The following PLEKHG7 variants were observed in gnomAD, a reference collection of about 807,000 sequenced individuals.
PLEKHG7 encodes pleckstrin homology and RhoGEF domain containing G7.
A neutral mutation model predicts 85.2 loss-of-function variants in PLEKHG7; 77 were observed. The observed-to-expected ratio is 0.90, with a 90% CI of 0.75 to 1.09. PLEKHG7 has a LOEUF of 1.09. Among genes scored for constraint, PLEKHG7 ranks in the 50% least tolerant of loss-of-function variants. The probability of loss-of-function intolerance (pLI) is 0.00; values close to 1 mark genes in which losing one functional copy is unlikely to be tolerated. For missense variants in PLEKHG7, 777 were observed against 804.3 expected (o/e 0.97, Z 0.41); for synonymous variants, 301 against 302.4 (o/e 1.00, Z 0.05).
At chr12:92,745,423 C>A in intron 9 of PLEKHG7, 55 bp from the exon 10 acceptor site, 2 of 1,185,786 alleles carry the variant, frequency 1.7e-6, no homozygotes, top group Non-Finnish European at 1.3e-6. Context: ...TCTTTCAGGG[C>A]TCAATGCTCT....
At chr12:92,763,949 T>G in intron 14 of PLEKHG7, 92 bp from the exon 15 acceptor site, 1 of 1,102,764 alleles carries the variant, frequency 9.1e-7, no homozygotes, top group Non-Finnish European at 1.3e-6. Flanking sequence ...AGGCAATTGT[T>G]TCTCAGAATC....
intron 7 of PLEKHG7, among the ~76,000 whole-genome samples, chr12:92,738,951 A>G (rs1311256011): frequency 6.6e-6 from 1 of 152,240 alleles, no homozygotes; most frequent in Non-Finnish European, 1.5e-5. Flanking sequence ...GTAATAGAAA[A>G]CTAGCTTAAA....
In PLEKHG7 at chr12:92,706,671, C is replaced by T; in HGVS notation, c.40C>T (p.Gln14Ter). The T allele has an allele frequency of 1.9e-6, 3 of 1,614,078 alleles. No individual in the cohort carries two copies. The highest frequency in any genetic ancestry group is 2.5e-6 in the Non-Finnish European group (3 of 1,179,980). ...GTCATTCTGTCCAGAGGTGCCACCC[C>T]AAGACTGTGGAGCCTCTCCTCGGCC... is the stretch of plus-strand genomic sequence containing the variant. The part of the protein sequence containing the change: ...TESFCPEVPP[Q>*]DCGASPRPSL... Residue 14 changes from glutamine (Q) to a stop codon, truncating the protein, a stop_gained, in exon 2 of 17, where the codon CAA (glutamine) becomes TAA (stop). Coordinates refer to ENST00000344636, the MANE Select transcript of PLEKHG7 (RefSeq NM_001377329.1). LOFTEE classifies it high-confidence loss of function.
At chr12:92,757,039 G>A (rs891469107) in intron 13 of PLEKHG7, among the ~76,000 whole-genome samples, 1 of 152,174 alleles carries the variant, frequency 6.6e-6, no homozygotes, top group Non-Finnish European at 1.5e-5. Flanking sequence ...TAGCACAGCT[G>A]GAGAAGTCTT....
chr12:92,761,631 A>AAAGAAAGAAAGAAAGG lies in PLEKHG7; in HGVS notation c.1637-106_1637-105insGAAGAAAGAAAGAAAG, dbSNP rs1873013034. On this transcript the variant is annotated intron_variant, in intron 13 of 16. Transcript: ENST00000344636. Reference sequence around the variant, plus strand: ...AAAAAGAAAGAAAGAAAGAAGAAAGAAAGAAAGAAAGAAAGAAAGAAAGAA... The same window carrying AAAGAAAGAAAGAAAGG: ...AAAAAGAAAGAAAGAAAGAAGAAAGAAAGAAAGAAAGAAAGGAAGAAAGAAAGAAAGAAAGAAAGAA... 11 of 155,430 alleles carry AAAGAAAGAAAGAAAGG rather than the reference A, an allele frequency of 7.1e-5. No homozygotes were observed. In the Admixed American group the frequency reaches 9.1e-4, roughly 13 times the overall value. 9.6% of individuals were successfully genotyped at this position (155,430 alleles called of 1,614,324 possible).
chr12:92,761,749 C>G lies in PLEKHG7; in HGVS notation c.1637-3C>G. 1 of 1,560,598 alleles carries G rather than the reference C, an allele frequency of 6.4e-7. No homozygotes were observed. ...CCATTTCAGCTTCTCTTTTTTTCCT[C>G]AGAAAGCACGAGATTCCTAGATGTT... On this transcript the variant is annotated splice_polypyrimidine_tract_variant and splice_region_variant and intron_variant, in intron 13 of 16. Coordinates refer to ENST00000344636, the MANE Select transcript of PLEKHG7 (RefSeq NM_001377329.1).
chr12:92,720,273 G>A (rs556543698), intron 3 of PLEKHG7, among the ~76,000 whole-genome samples: 2 of 151,692 alleles, frequency 1.3e-5, no homozygotes, highest in East Asian at 3.9e-4. Flanking sequence ...CTCTGCCTCT[G>A]TTCGTCTTCA....
intron 10 of PLEKHG7, among the ~76,000 whole-genome samples, chr12:92,752,547 C>G (rs768591759): frequency 2.0e-5 from 3 of 152,104 alleles, no homozygotes; most frequent in Non-Finnish European, 2.9e-5. Flanking sequence ...AGGACTGACA[C>G]GTGGGCTTGA....
rs1389936912 is a variant in PLEKHG7 at position 92,771,416 on chromosome 12, T to C, written c.*1221T>C. The C allele has an allele frequency of 6.6e-6, 1 of 152,042 alleles. No homozygotes were observed. The highest frequency in any genetic ancestry group is 1.9e-4 in the East Asian group (1 of 5,192). 9.4% of individuals were successfully genotyped at this position (152,042 alleles called of 1,614,324 possible). A position where few individuals can be genotyped will look rare whatever the true frequency, so the allele number is the denominator to read the frequency against. ...AAGACAAGTGCAGCAGAAAGGCTTT[T>C]GTACAAGGCAAGCACTATTAGAATG... On this transcript the variant is annotated 3_prime_UTR_variant, in exon 17 of 17. Transcript: ENST00000344636.
chr12:92,740,805 CA>C, intron 7 of PLEKHG7, 47 bp from the exon 8 acceptor site: 1 of 1,356,236 alleles, frequency 7.4e-7, no homozygotes, highest in African/African-American at 1.5e-5. Flanking sequence ...AGGCATGTTG[CA>C]AAATTAAAAA....
chr12:92,744,866 A>G (rs750115696), intron 9 of PLEKHG7, among the ~76,000 whole-genome samples: 20 of 152,056 alleles, frequency 1.3e-4, no homozygotes, highest in Middle Eastern at 6.8e-3. Flanking sequence ...CGGGGTTTCA[A>G]TGTGTTGCAC....
intron 1 of PLEKHG7, among the ~76,000 whole-genome samples, chr12:92,706,076 C>T (rs1692400142): frequency 6.6e-6 from 1 of 151,988 alleles, no homozygotes; most frequent in Non-Finnish European, 1.5e-5. Context: ...TTCTTGCATC[C>T]CCAGAATGCA....
chr12:92,745,640 G>T, intron 10 of PLEKHG7, 49 bp downstream of exon 10: 1 of 1,233,800 alleles, frequency 8.1e-7, no homozygotes, highest in Non-Finnish European at 1.2e-6. Flanking sequence ...TGCTTTTTGG[G>T]TGTCACATGT....
chr12:92,724,981 A>T (rs1871754862), intron 3 of PLEKHG7, among the ~76,000 whole-genome samples: 1 of 148,274 alleles, frequency 6.7e-6, no homozygotes, highest in South Asian at 2.1e-4. Context: ...TTTCCTGATT[A>T]AAAAAAAAAA....
At chr12:92,704,847 G>A (rs142945833) in intron 1 of PLEKHG7, among the ~76,000 whole-genome samples, 72 of 152,256 alleles carry the variant, frequency 4.7e-4, no homozygotes, top group African/African-American at 1.5e-3. Context: ...CAAAGTGCTC[G>A]GATTACAGGC....
At chr12:92,749,068 T>A (rs1173312195) in intron 10 of PLEKHG7, among the ~76,000 whole-genome samples, 1 of 152,210 alleles carries the variant, frequency 6.6e-6, no homozygotes, top group Non-Finnish European at 1.5e-5. Context: ...CTGAACCCAA[T>A]GTTGAATCTC....
At chr12:92,737,772 G>GAAGA in intron 7 of PLEKHG7, among the ~76,000 whole-genome samples, 1 of 151,258 alleles carries the variant, frequency 6.6e-6, no homozygotes, top group Non-Finnish European at 1.5e-5. Context: ...AGGAAGGAAG[G>GAAGA]GAAAGAGAGG....
At chr12:92,707,993 C>A in intron 3 of PLEKHG7, 3 of 384,580 alleles carry the variant, frequency 7.8e-6, no homozygotes, top group African/African-American at 2.0e-5. Flanking sequence ...AATAGAAAGG[C>A]CAGAGATATG....
At chr12:92,749,862 T>A (rs1419194297) in intron 10 of PLEKHG7, 1 of 147,328 alleles carries the variant, frequency 6.8e-6, no homozygotes, top group East Asian at 1.9e-4. Context: ...GATATTTTAT[T>A]TTATTTTATT....
Sources: gnomAD v4.1 joint callset for allele counts (sites outside exome capture counted in the v4.1 genomes callset) on GRCh38, gnomAD v4.1.1 for gene constraint, MANE v1.5 for transcripts, NCBI Gene and HGNC (gene_info 2026-07-23, HGNC 2026-07-21) for gene names.